XDH: variants seen among roughly 807,000 people sequenced by gnomAD.
The protein encoded by XDH is xanthine dehydrogenase/oxidase.
Under a neutral mutation model 156.1 loss-of-function variants are expected in XDH, and 138 were observed. That is an observed-to-expected ratio of 0.88 (90% CI 0.77 to 1.02). The LOEUF is 1.02. Ranked by LOEUF, XDH falls within the 50% of genes least tolerant of loss-of-function variation. The probability of loss-of-function intolerance (pLI) is 0.00; values close to 1 mark genes in which losing one functional copy is unlikely to be tolerated. For synonymous variants in XDH, 669 were observed against 625.7 expected, an observed-to-expected ratio of 1.07 and a Z score of -1.03; for missense variants, 1,849 against 1,684.9, an observed-to-expected ratio of 1.10 and a Z score of -1.71.
At chr2:31,379,312 C>T (rs910850971) in intron 13 of XDH, among the ~76,000 whole-genome samples, 1 of 152,216 alleles carries the variant, frequency 6.6e-6, no homozygotes, top group Admixed American at 6.5e-5. Context: ...AGTGAAGCAA[C>T]ACCTCGTCAA....
chr2:31,352,717 T>C (rs1220972826), intron 24 of XDH, among the ~76,000 whole-genome samples: 1 of 152,178 alleles, frequency 6.6e-6, no homozygotes, highest in Non-Finnish European at 1.5e-5. Flanking sequence ...AAAGCATGTC[T>C]TATACTTGAA....
chr2:31,365,854 G>A (rs747102743), intron 22 of XDH, 122 bp downstream of exon 22: 168 of 1,504,550 alleles, frequency 1.1e-4, no homozygotes, highest in South Asian at 1.0e-3. Context: ...ACAGAGGGCT[G>A]TGAGAATTCA....
At chr2:31,349,902 T>A (rs1345466395) in intron 25 of XDH, 71 bp from the exon 26 acceptor site, 3 of 1,612,012 alleles carry the variant, frequency 1.9e-6, no homozygotes, top group Non-Finnish European at 2.5e-6. Flanking sequence ...CAACCTAAAG[T>A]TAAGCTTCCA....
intron 13 of XDH, 129 bp from the exon 14 acceptor site, chr2:31,377,366 C>T (rs1686273458): frequency 2.1e-6 from 2 of 971,528 alleles, no homozygotes; most frequent in Admixed American, 3.9e-5. Context: ...GGTGAACTGG[C>T]CCCGGGAATC....
At chr2:31,378,309 T>A (rs189518772) in intron 13 of XDH, among the ~76,000 whole-genome samples, 116 of 152,170 alleles carry the variant, frequency 7.6e-4, no homozygotes, top group African/African-American at 2.7e-3. Flanking sequence ...TCTTTAAGGA[T>A]AGGAGGAGAG....
Position 31,386,448 on chromosome 2 carries a change from A to G in XDH, c.759T>C (p.Pro253=). The change falls in exon 9 of 36, where the codon CCT becomes CCC. Residue 253 remains proline, a synonymous_variant. Coordinates refer to ENST00000379416, the MANE Select transcript of XDH (RefSeq NM_000379.4). ...TGTTCCCCACGACCAGCTTGGCGTC[A>G]GGGTGCTGAGCCTTGAGGTCCAGCA... ...KELLDLKAQH[P]DAKLVVGNTE... 1 of 1,613,970 alleles carries G rather than the reference A, an allele frequency of 6.2e-7. No homozygotes were observed. Among genetic ancestry groups the G allele is most frequent in the Non-Finnish European group, 8.5e-7 (1 of 1,180,018 alleles).
In XDH at chr2:31,388,319, A is replaced by C. The variant is rs766706338; in HGVS notation, c.496-24T>G. 4 of 1,611,780 alleles carry C rather than the reference A, an allele frequency of 2.5e-6. No homozygotes were observed. In the East Asian group the frequency reaches 8.9e-5, roughly 36 times the overall value. ...TCCTAGAGAGATGATGAACATCTGC[A>C]CAAGGGTATTTACAAAGAGTATTTG... On this transcript the variant is annotated intron_variant, in intron 6 of 35. Transcript: ENST00000379416.
rs1237599237 is a variant in XDH at position 31,370,381 on chromosome 2, C to T, written c.1954G>A (p.Asp652Asn). 1.2e-6 allele frequency: 2 copies of T among 1,614,204 alleles called. No homozygotes were observed. The highest frequency in any genetic ancestry group is 3.3e-5 in the Admixed American group (2 of 60,018). ...TTATCCTTCGCAAAGACTGTCTCAT[C>T]ATTACAAATTCCAGTTATGTTACTC... ...PGSNITGICNDETVFAKDKVT... is the reference protein window; with the variant it reads ...PGSNITGICNNETVFAKDKVT... The change falls in exon 18 of 36, where the codon GAT (aspartate) becomes AAT (asparagine). Residue 652 changes from aspartate (D) to asparagine (N), a missense_variant. Asp to Asn is a conservative substitution (Grantham distance 23). Transcript: ENST00000379416.
At position 31,349,784 on chromosome 2, in the gene XDH, GT is replaced by G; in HGVS notation, c.2870del (p.Asn957ThrfsTer17). ...GCAAGGTGAAACCCTCAAGCTTCTG[GT>G]TGAAGTGTGTCAGGTCCCCTTCTTT... is the stretch of plus-strand genomic sequence containing the variant. Reference protein sequence around the residue: ...LYKEGDLTHFNQKLEGFTLPR... With the variant: ...LYKEGDLTHFXQKLEGFTLPR... On this transcript the variant is annotated frameshift_variant, in exon 26 of 36. Transcript: ENST00000379416. LOFTEE classifies it high-confidence loss of function. 6.2e-7 allele frequency: 1 copy of G among 1,614,116 alleles called. No homozygotes were observed. Among genetic ancestry groups the G allele is most frequent in the Non-Finnish European group, 8.5e-7 (1 of 1,180,018 alleles).
intron 24 of XDH, among the ~76,000 whole-genome samples, chr2:31,352,219 T>A (rs1685502177): frequency 6.6e-6 from 1 of 152,198 alleles, no homozygotes; most frequent in Non-Finnish European, 1.5e-5. Context: ...TTTGAACCCC[T>A]CTGCTTTCAT....
rs1190842654 is a variant in XDH, at chr2:31,398,658, G to A, written c.348C>T (p.Cys116=). 2 of 1,614,044 alleles carry A rather than the reference G, an allele frequency of 1.2e-6. No individual in the cohort carries two copies. Among genetic ancestry groups the A allele is most frequent in the Non-Finnish European group, 1.7e-6 (2 of 1,180,006 alleles). The change falls in exon 5 of 36, where the codon TGC becomes TGT. Residue 116 remains cysteine (C), a synonymous_variant. Coordinates refer to ENST00000379416, the MANE Select transcript of XDH (RefSeq NM_000379.4). ...ACATACTCATGACGATGCCAGGGGTGCAGAACCCGCACTGGGAGCCGTGGC... is the reference window on the plus strand; with the variant it reads ...ACATACTCATGACGATGCCAGGGGTACAGAACCCGCACTGGGAGCCGTGGC... ...AKSHGSQCGF[C]TPGIVMSMYT...
In XDH at chr2:31,384,164, A is replaced by C. The variant is rs1032507031; in HGVS notation, c.794-317T>G. 6.3e-5 allele frequency: 6 copies of C among 94,808 alleles called. No individual in the cohort carries two copies. The South Asian group carries it at 7.3e-4, about 11-fold the overall frequency. 5.9% of individuals were successfully genotyped at this position (94,808 alleles called of 1,614,324 possible). A position where few individuals can be genotyped will look rare whatever the true frequency, so the allele number is the denominator to read the frequency against. On this transcript the variant is annotated intron_variant, in intron 9 of 35. Coordinates refer to ENST00000379416, the MANE Select transcript of XDH (RefSeq NM_000379.4). ...TGTGTGTGTGTGTGTGTTTGTGTAC[A>C]TTAGAAAACACAGGAAATTAAGGTA...
Position 31,377,071 on chromosome 2 carries a change from G to A in XDH, c.1409C>T (p.Thr470Ile). 2 of 1,614,168 alleles carry A rather than the reference G, an allele frequency of 1.2e-6. No homozygotes were observed. The highest frequency in any genetic ancestry group is 1.3e-5 in the African/African-American group (1 of 75,026). ...ANRTISALKTTQRQLSKLWKE... is the reference protein window; with the variant it reads ...ANRTISALKTIQRQLSKLWKE... Reference sequence around the variant, plus strand: ...CTCTTACTTGGAAAGCTGCCTCTGAGTGGTCTTGAGGGCTGAGATGGTTCT... The same window carrying A: ...CTCTTACTTGGAAAGCTGCCTCTGAATGGTCTTGAGGGCTGAGATGGTTCT... Residue 470 changes from threonine (T) to isoleucine (I), a missense_variant, in exon 14 of 36, where the codon ACT (threonine) becomes ATT (isoleucine). Transcript: ENST00000379416.
chr2:31,381,154 C>A (rs1183743892), intron 12 of XDH, among the ~76,000 whole-genome samples: 2 of 152,066 alleles, frequency 1.3e-5, no homozygotes, highest in South Asian at 4.2e-4. Context: ...CACCACCACA[C>A]CCAGCTAATT....
Position 31,347,552 on chromosome 2 carries a change from G to GA in XDH, c.3245dup (p.Ser1083GlnfsTer3). On this transcript the variant is annotated frameshift_variant, in exon 29 of 36. Transcript: ENST00000379416. LOFTEE classifies it high-confidence loss of function. ...CGGCCTGTCCATTGAGGTCAGCGCT[G>GA]ACAGAGGCAGCCGTGGGAGAGGTGT... 1 of 1,614,164 alleles carries GA rather than the reference G, an allele frequency of 6.2e-7. No homozygotes were observed. The highest frequency in any genetic ancestry group is 1.3e-5 in the African/African-American group (1 of 75,060).
chr2:31,403,256 G>T, intron 2 of XDH, 112 bp from the exon 3 acceptor site: 2 of 1,186,216 alleles, frequency 1.7e-6, no homozygotes, highest in Non-Finnish European at 2.4e-6. Flanking sequence ...CACGTGCTCA[G>T]GCCCCTCAAC....
At chr2:31,407,998 TC>T (rs1277806763) in intron 1 of XDH, among the ~76,000 whole-genome samples, 1 of 152,168 alleles carries the variant, frequency 6.6e-6, no homozygotes, top group Non-Finnish European at 1.5e-5. Flanking sequence ...TGTTCATTTC[TC>T]CCGTACTGCA....
At chr2:31,368,389 T>C in intron 19 of XDH, 152 bp downstream of exon 19, 1 of 1,038,740 alleles carries the variant, frequency 9.6e-7, no homozygotes, top group South Asian at 1.4e-5. Flanking sequence ...GAAGGTTTCA[T>C]GGGACCCCAA....
At chr2:31,356,866 T>A (rs1180329066) in intron 24 of XDH, among the ~76,000 whole-genome samples, 2 of 152,094 alleles carry the variant, frequency 1.3e-5, no homozygotes, top group African/African-American at 4.8e-5. Context: ...AGAATTGAAA[T>A]CCTATAGACT....
Sources: allele counts gnomAD v4.1 joint callset (sites outside exome capture counted in the v4.1 genomes callset), GRCh38; gene constraint gnomAD v4.1.1; transcripts MANE v1.5; gene names NCBI Gene and HGNC (gene_info 2026-07-23, HGNC 2026-07-21).